Variants in MEF2C observed in about 807,000 individuals in gnomAD.
MEF2C encodes the protein myocyte-specific enhancer factor 2C.
Under a neutral mutation model 50.5 loss-of-function variants are expected in MEF2C, and 6 were observed. The ratio of observed to expected loss-of-function variants is 0.12; its 90% CI spans 0.07 to 0.23. MEF2C has a LOEUF of 0.23. Among genes scored for constraint, MEF2C ranks in the 10% least tolerant of loss-of-function variants. The pLI is 1.00. For synonymous variants in MEF2C, 183 were observed against 228.0 expected (o/e 0.80, Z 1.78); for missense variants, 276 against 605.0 (o/e 0.46, Z 5.70).
chr5:88,774,350 T>TC (rs1783805958), intron 3 of MEF2C, among the ~76,000 whole-genome samples: 2 of 151,638 alleles, frequency 1.3e-5, no homozygotes, highest in South Asian at 2.1e-4. Flanking sequence ...TTTTTTTTTT[T>TC]CTCGCTCTGT....
At chr5:88,764,070 TA>T (rs1170905724) in intron 3 of MEF2C, among the ~76,000 whole-genome samples, 1 of 152,202 alleles carries the variant, frequency 6.6e-6, no homozygotes, top group Non-Finnish European at 1.5e-5. Context: ...AATCTTATTG[TA>T]AAAATTATAG....
chr5:88,890,828 T>A lies in MEF2C; in HGVS notation c.-239-3230A>T, dbSNP rs984537495. Among the ~76,000 whole-genome samples the A allele has an allele frequency of 6.2e-4, 94 of 152,310 alleles. 1 individual carries two copies. Among genetic ancestry groups the A allele is most frequent in the African/African-American group, 2.1e-3 (87 of 41,570 alleles). On this transcript the variant is annotated intron_variant, in intron 1 of 11. Transcript: ENST00000340208. ...GAACACTTCACCCAGACACCTAATT[T>A]TTTTATAGGCAAGAGAAATCAGGCC...
chr5:88,854,210 C>A (rs1020887374), intron 1 of MEF2C, among the ~76,000 whole-genome samples: 5 of 152,112 alleles, frequency 3.3e-5, no homozygotes, highest in Admixed American at 1.3e-4. Flanking sequence ...TATTAGGATA[C>A]AATAAATAGA....
At position 88,804,649 on chromosome 5, in the gene MEF2C, G is replaced by A. The variant is rs1440701316; in HGVS notation, c.207C>T (p.Tyr69=). 1 of 1,614,098 alleles carries A rather than the reference G, an allele frequency of 6.2e-7. No individual in the cohort carries two copies. Among genetic ancestry groups the A allele is most frequent in the East Asian group, 2.2e-5 (1 of 44,858 alleles). ...STDMDKVLLK[Y]TEYNEPHESR... is the part of the protein sequence containing the mutation. The stretch of plus-strand genomic sequence containing the variant: ...TCTCATGCGGCTCGTTGTACTCCGT[G>A]TACTTGAGAAGCACTTTGTCCATGT... The change falls in exon 3 of 11, where the codon TAC becomes TAT. Residue 69 remains tyrosine, a synonymous_variant. Coordinates refer to ENST00000504921, the MANE Select transcript of MEF2C (RefSeq NM_002397.5).
intron 3 of MEF2C, among the ~76,000 whole-genome samples, chr5:88,801,045 T>C (rs1798114539): frequency 6.6e-6 from 1 of 152,174 alleles, no homozygotes; most frequent in Non-Finnish European, 1.5e-5. Flanking sequence ...AGGAATCTTT[T>C]TCAACACCCA....
At chr5:88,776,201 AATT>A (rs1437154712) in intron 3 of MEF2C, among the ~76,000 whole-genome samples, 1 of 152,156 alleles carries the variant, frequency 6.6e-6, no homozygotes, top group Non-Finnish European at 1.5e-5. Context: ...TAATTAAAAA[AATT>A]ATTAGTAATA....
chr5:88,830,328 A>G (rs1327106629), intron 1 of MEF2C, among the ~76,000 whole-genome samples: 1 of 152,058 alleles, frequency 6.6e-6, no homozygotes, highest in East Asian at 1.9e-4. Flanking sequence ...TGTCAGAAAT[A>G]TAATAAGGCT....
At chr5:88,900,122 T>C (rs1172544247) in intron 1 of MEF2C, among the ~76,000 whole-genome samples, 1 of 152,074 alleles carries the variant, frequency 6.6e-6, no homozygotes, top group Non-Finnish European at 1.5e-5. Context: ...CTAAACAGTT[T>C]CTTTTCTGGA....
chr5:88,786,276 C>G (rs540174267), intron 3 of MEF2C, among the ~76,000 whole-genome samples: 9 of 152,248 alleles, frequency 5.9e-5, no homozygotes, highest in Admixed American at 2.0e-4. Context: ...TACCCTCTGG[C>G]AAACAGACCA....
chr5:88,754,604 CA>C (rs1254952664), intron 4 of MEF2C, among the ~76,000 whole-genome samples: 2 of 152,148 alleles, frequency 1.3e-5, no homozygotes, highest in African/African-American at 2.4e-5. Flanking sequence ...CTTTGGGTAT[CA>C]AAATGACTGG....
chr5:88,850,924 G>C (rs1250547955), intron 1 of MEF2C, among the ~76,000 whole-genome samples: 1 of 151,490 alleles, frequency 6.6e-6, no homozygotes, highest in Admixed American at 6.6e-5. Flanking sequence ...TGAGGATGAA[G>C]ACCTTAATGA....
chr5:88,739,606 A>G (rs917857171), intron 6 of MEF2C: 10 of 985,206 alleles, frequency 1.0e-5, no homozygotes, highest in Admixed American at 1.2e-4. Context: ...CAGTTGAAAA[A>G]AAAATTAGTG....
chr5:88,823,959 C>T (rs1809697612), intron 1 of MEF2C, 29 bp from the exon 2 acceptor site: 4 of 1,419,058 alleles, frequency 2.8e-6, no homozygotes, highest in Non-Finnish European at 3.7e-6. Context: ...TTAAATACCA[C>T]TCTAACAGCA....
At chr5:88,893,050 C>G (rs747234206) in intron 1 of MEF2C, among the ~76,000 whole-genome samples, 9 of 152,124 alleles carry the variant, frequency 5.9e-5, no homozygotes, top group Non-Finnish European at 1.0e-4. Context: ...AAAACAGAAG[C>G]ATAGTCATTT....
At chr5:88,828,225 G>T (rs1811709988) in intron 1 of MEF2C, among the ~76,000 whole-genome samples, 1 of 151,922 alleles carries the variant, frequency 6.6e-6, no homozygotes, top group Admixed American at 6.6e-5. Context: ...ATCTTAGAGT[G>T]AAACTGCCAT....
chr5:88,864,172 T>G (rs1826481680), intron 1 of MEF2C, among the ~76,000 whole-genome samples: 1 of 150,216 alleles, frequency 6.7e-6, no homozygotes, highest in African/African-American at 2.5e-5. Context: ...TAAGGCTGAA[T>G]GGTATTTCAC....
intron 3 of MEF2C, among the ~76,000 whole-genome samples, chr5:88,773,604 T>C (rs1783408398): frequency 1.3e-5 from 2 of 152,216 alleles, no homozygotes; most frequent in African/African-American, 2.4e-5. Context: ...TAGTAGGATA[T>C]CTGACAGTAG....
At chr5:88,775,497 T>C (rs1784344028) in intron 3 of MEF2C, among the ~76,000 whole-genome samples, 1 of 152,212 alleles carries the variant, frequency 6.6e-6, no homozygotes, top group Non-Finnish European at 1.5e-5. Context: ...TTGCAAAGTG[T>C]ACTATTACTG....
At chr5:88,734,560 AGTTTGTTTTTTTTTTTTT>A in intron 6 of MEF2C, 3 of 535,554 alleles carry the variant, frequency 5.6e-6, no homozygotes, top group Non-Finnish European at 6.6e-6. Context: ...CCTTGAGAAA[AGTTTGTTTTTTTTTTTTT>A]TTTTTTTTTT....
Sources: allele counts gnomAD v4.1 joint callset (sites outside exome capture counted in the v4.1 genomes callset), GRCh38; gene constraint gnomAD v4.1.1; transcripts MANE v1.5; gene names NCBI Gene and HGNC (gene_info 2026-07-23, HGNC 2026-07-21).